The following GUCY1A2 variants were observed in gnomAD, a reference collection of about 807,000 sequenced individuals.
GUCY1A2 encodes guanylate cyclase 1 soluble subunit alpha 2.
GUCY1A2 carries 27 observed loss-of-function variants against 63.5 expected under a neutral mutation model. That is an observed-to-expected ratio of 0.43 (90% CI 0.31 to 0.59). GUCY1A2 has a LOEUF of 0.59. Ranked by LOEUF, GUCY1A2 falls within the 20% of genes least tolerant of loss-of-function variation. GUCY1A2 has a pLI of 0.11. For missense variants in GUCY1A2, 768 were observed against 913.3 expected, an observed-to-expected ratio of 0.84 and a Z score of 2.05; for synonymous variants, 364 against 343.5, an observed-to-expected ratio of 1.06 and a Z score of -0.66.
chr11:106,960,881 A>G (rs892646177), intron 3 of GUCY1A2, among the ~76,000 whole-genome samples: 1 of 152,148 alleles, frequency 6.6e-6, no homozygotes, highest in African/African-American at 2.4e-5. Flanking sequence ...TTTTCTAATT[A>G]TCTCACCAGG....
chr11:106,866,905 C>CA (rs542529852), intron 4 of GUCY1A2, among the ~76,000 whole-genome samples: 190 of 151,224 alleles, frequency 1.3e-3, no homozygotes, highest in Non-Finnish European at 1.6e-3. Flanking sequence ...TTTTCTAATA[C>CA]AAAAAAAAAT....
chr11:106,751,812 T>A (rs1174867231), intron 6 of GUCY1A2, among the ~76,000 whole-genome samples: 4 of 152,198 alleles, frequency 2.6e-5, no homozygotes, highest in African/African-American at 9.7e-5. Context: ...ATATTTTATA[T>A]GTAAAACCAA....
In GUCY1A2 at chr11:106,776,590, A is replaced by C. The variant is rs1458478626; in HGVS notation, c.1693-8T>G. On this transcript the variant is annotated splice_polypyrimidine_tract_variant and splice_region_variant and intron_variant, in intron 5 of 7. Coordinates refer to ENST00000526355, the MANE Select transcript of GUCY1A2 (RefSeq NM_000855.3). ...ATCACCTATTGTTTCCACCTGCAGC[A>C]ATCAGACAAATCAAATGCAAACGTA... 1.2e-6 allele frequency: 2 copies of C among 1,611,662 alleles called. No individual in the cohort carries two copies.
At chr11:106,907,987 C>T (rs528495089) in intron 4 of GUCY1A2, among the ~76,000 whole-genome samples, 19 of 152,074 alleles carry the variant, frequency 1.2e-4, no homozygotes, top group Non-Finnish European at 2.8e-4. Context: ...GAAAATTACA[C>T]AATCCAAATA....
intron 6 of GUCY1A2, among the ~76,000 whole-genome samples, chr11:106,741,783 A>G (rs965952389): frequency 7.2e-5 from 11 of 152,234 alleles, no homozygotes; most frequent in African/African-American, 2.4e-4. Context: ...CTCATTTTGC[A>G]GTCACAAGCA....
intron 6 of GUCY1A2, among the ~76,000 whole-genome samples, chr11:106,728,360 A>C (rs1163728833): frequency 1.3e-5 from 2 of 152,162 alleles, no homozygotes; most frequent in Non-Finnish European, 2.9e-5. Context: ...AGTTTCTTGT[A>C]CATTCCTGTA....
At chr11:106,690,735 T>A (rs1240300575) in intron 7 of GUCY1A2, among the ~76,000 whole-genome samples, 4 of 152,054 alleles carry the variant, frequency 2.6e-5, no homozygotes, top group Non-Finnish European at 5.9e-5. Flanking sequence ...TCCACCAAAT[T>A]TATAGAGGGT....
intron 4 of GUCY1A2, among the ~76,000 whole-genome samples, chr11:106,842,586 A>G (rs1859214845): frequency 6.6e-6 from 1 of 152,018 alleles, no homozygotes; most frequent in African/African-American, 2.4e-5. Context: ...GGTGTGTGAA[A>G]GGACAAAATG....
At chr11:106,890,933 GAAATATTTGTGTGC>G (rs1246516222) in intron 4 of GUCY1A2, among the ~76,000 whole-genome samples, 1 of 152,162 alleles carries the variant, frequency 6.6e-6, no homozygotes, top group Non-Finnish European at 1.5e-5. Flanking sequence ...AAAGCTGTTA[GAAATATTTGTGTGC>G]AAATCTTTTT....
intron 3 of GUCY1A2, among the ~76,000 whole-genome samples, chr11:106,971,621 A>G (rs1444981276): frequency 1.3e-5 from 2 of 152,150 alleles, no homozygotes; most frequent in Non-Finnish European, 2.9e-5. Context: ...GTAATGGAGT[A>G]AAGTTGGAGA....
At chr11:106,775,384 T>G (rs1165356228) in intron 6 of GUCY1A2, among the ~76,000 whole-genome samples, 1 of 152,124 alleles carries the variant, frequency 6.6e-6, no homozygotes, top group East Asian at 1.9e-4. Flanking sequence ...GAGGATAGGA[T>G]TGAAGTTGGC....
At chr11:106,800,365 T>G (rs1350287681) in intron 5 of GUCY1A2, among the ~76,000 whole-genome samples, 1 of 152,218 alleles carries the variant, frequency 6.6e-6, no homozygotes, top group African/African-American at 2.4e-5. Context: ...AAATACCATT[T>G]GACCCAGCCA....
chr11:106,982,679 A>T (rs1422829162), intron 2 of GUCY1A2, among the ~76,000 whole-genome samples: 1 of 152,210 alleles, frequency 6.6e-6, no homozygotes, highest in African/African-American at 2.4e-5. Flanking sequence ...ATAAAGAATA[A>T]GCCGTGCAAA....
In GUCY1A2 at chr11:106,675,455, A is replaced by G. The variant is rs1348914472; in HGVS notation, c.*12094T>C. ...GGAATAATTTTTGCTCCAAATTCTT[A>G]AAGGAGACAATGAATTAGTAGCTTG... On this transcript the variant is annotated 3_prime_UTR_variant, in exon 8 of 8. Coordinates refer to ENST00000526355, the MANE Select transcript of GUCY1A2 (RefSeq NM_000855.3). 2 of 201,206 alleles carry G rather than the reference A, an allele frequency of 9.9e-6. No individual in the cohort carries two copies. Among genetic ancestry groups the G allele is most frequent in the Non-Finnish European group, 2.0e-5 (2 of 97,804 alleles). The allele number at this position is 201,206 out of a possible 1,614,324, so 12.5% of individuals were successfully genotyped here.
At chr11:106,938,937 A>G (rs1860714542) in intron 4 of GUCY1A2, among the ~76,000 whole-genome samples, 1 of 152,188 alleles carries the variant, frequency 6.6e-6, no homozygotes, top group African/African-American at 2.4e-5. Flanking sequence ...ATTTAAACAG[A>G]AGTCTCGAGA....
intron 6 of GUCY1A2, among the ~76,000 whole-genome samples, chr11:106,737,122 C>T (rs1463542478): frequency 6.6e-6 from 1 of 152,134 alleles, no homozygotes; most frequent in Non-Finnish European, 1.5e-5. Flanking sequence ...TGTAGACGCA[C>T]ATTTTGATTT....
intron 6 of GUCY1A2, among the ~76,000 whole-genome samples, chr11:106,730,420 T>A (rs968589571): frequency 6.6e-6 from 1 of 152,010 alleles, no homozygotes; most frequent in Non-Finnish European, 1.5e-5. Context: ...TTCAGCTCCA[T>A]CCATGTTGCT....
intron 6 of GUCY1A2, among the ~76,000 whole-genome samples, chr11:106,766,206 T>A (rs924572819): frequency 1.3e-5 from 2 of 152,094 alleles, no homozygotes; most frequent in African/African-American, 2.4e-5. Context: ...AGAGTTACCT[T>A]CCAGTGTCTC....
chr11:106,818,227 T>C (rs1269644318), intron 4 of GUCY1A2, among the ~76,000 whole-genome samples: 4 of 152,206 alleles, frequency 2.6e-5, no homozygotes, highest in African/African-American at 9.6e-5. Flanking sequence ...CAACCTTCTG[T>C]TGAACAAATC....
Sources: gnomAD v4.1 joint callset for allele counts (sites outside exome capture counted in the v4.1 genomes callset) on GRCh38, gnomAD v4.1.1 for gene constraint, MANE v1.5 for transcripts, NCBI Gene and HGNC (gene_info 2026-07-23, HGNC 2026-07-21) for gene names.